Variants in KAZN observed in about 807,000 individuals in gnomAD.
The protein encoded by KAZN is kazrin.
Under a neutral mutation model 87.4 loss-of-function variants are expected in KAZN, and 40 were observed. That is an observed-to-expected ratio of 0.46 (90% CI 0.36 to 0.60). The LOEUF (loss-of-function observed/expected upper bound fraction) is 0.60. Among genes scored for constraint, KAZN ranks in the 20% least tolerant of loss-of-function variants. The pLI, the probability that KAZN is intolerant of heterozygous loss-of-function variation, is 0.00. For missense variants in KAZN, 898 were observed against 1,073.9 expected (o/e 0.84, Z 2.29); for synonymous variants, 466 against 458.3 (o/e 1.02, Z -0.22).
At chr1:14,171,646 A>G (rs1280237119) in intron 1 of KAZN, among the ~76,000 whole-genome samples, 2 of 152,242 alleles carry the variant, frequency 1.3e-5, no homozygotes, top group Non-Finnish European at 2.9e-5. Context: ...AAATTTGGTC[A>G]TTAGTTCATA....
At chr1:14,065,830 A>G (rs1345823447) in intron 1 of KAZN, among the ~76,000 whole-genome samples, 2 of 152,198 alleles carry the variant, frequency 1.3e-5, no homozygotes, top group African/African-American at 4.8e-5. Context: ...TATTGAATAT[A>G]TATATAGGGT....
chr1:15,106,287 A>G (rs898532308), intron 13 of KAZN, among the ~76,000 whole-genome samples: 9 of 152,118 alleles, frequency 5.9e-5, no homozygotes, highest in Non-Finnish European at 1.5e-5. Context: ...TCTCTACAAA[A>G]CAGAAAAACA....
chr1:14,379,270 ACT>A (rs1307674147), intron 2 of KAZN, among the ~76,000 whole-genome samples: 2 of 151,702 alleles, frequency 1.3e-5, no homozygotes, highest in Non-Finnish European at 2.9e-5. Context: ...CTTGGGTGAG[ACT>A]CTGAGGCTTG....
chr1:14,304,391 TTAGA>T (rs1169916046), intron 2 of KAZN, among the ~76,000 whole-genome samples: 1 of 152,168 alleles, frequency 6.6e-6, no homozygotes, highest in African/African-American at 2.4e-5. Flanking sequence ...TTACCCCAGC[TTAGA>T]CCAAAATATT....
chr1:14,576,728 CTT>C (rs1675211222), intron 2 of KAZN, among the ~76,000 whole-genome samples: 1 of 152,044 alleles, frequency 6.6e-6, no homozygotes, highest in African/African-American at 2.4e-5. Context: ...TAAATAGGAA[CTT>C]TATGTTAATC....
chr1:14,594,770 C>A (rs76457713), upstream of KAZN, among the ~76,000 whole-genome samples: 1 of 152,158 alleles, frequency 6.6e-6, no homozygotes, highest in Non-Finnish European at 1.5e-5. Flanking sequence ...CCCAGGACAC[C>A]GGCGGTAAAC....
chr1:14,331,140 G>A lies in KAZN; in HGVS notation c.249+150548G>A, dbSNP rs1434780906. On this transcript the variant is annotated intron_variant, in intron 2 of 16. Transcript: ENST00000636203. ...TTTTAAATGGAATAGGAAAGTCCTG[G>A]TGGCCCCTTTTACCTCTGCTGTGGA... Among the ~76,000 whole-genome samples the A allele has an allele frequency of 3.3e-5, 5 of 152,142 alleles. 1 individual carries two copies. The highest frequency in any genetic ancestry group is 9.7e-5 in the African/African-American group (4 of 41,424).
chr1:14,587,601 T>G, intron 2 of KAZN, among the ~76,000 whole-genome samples: 2 of 146,218 alleles, frequency 1.4e-5, no homozygotes, highest in South Asian at 2.2e-4. Flanking sequence ...GGAGTGAGAG[T>G]GGGGGGCGGG....
intron 1 of KAZN, among the ~76,000 whole-genome samples, chr1:14,158,176 C>G (rs1034426559): frequency 2.6e-5 from 4 of 152,170 alleles, no homozygotes; most frequent in African/African-American, 9.6e-5. Context: ...GTTATTATCC[C>G]TTTAAATAAA....
intron 2 of KAZN, among the ~76,000 whole-genome samples, chr1:14,551,858 A>G (rs751698829): frequency 2.0e-5 from 3 of 152,162 alleles, no homozygotes; most frequent in Non-Finnish European, 4.4e-5. Context: ...ATTAATGGCT[A>G]CCTAGAATCC....
At chr1:15,083,812 G>T (rs1213900960) in intron 8 of KAZN, among the ~76,000 whole-genome samples, 1 of 152,260 alleles carries the variant, frequency 6.6e-6, no homozygotes, top group East Asian at 1.9e-4. Context: ...ACACCATCCT[G>T]CCTCTTGCCA....
At chr1:14,842,946 G>T (rs781227354) in intron 1 of KAZN, among the ~76,000 whole-genome samples, 12 of 151,996 alleles carry the variant, frequency 7.9e-5, no homozygotes, top group Non-Finnish European at 1.2e-4. Context: ...TGATGTGATT[G>T]GTATATTGCT....
At position 15,103,553 on chromosome 1, in the gene KAZN, T is replaced by A. The variant is rs1187477069; in HGVS notation, c.1881+93T>A. 5 of 828,696 alleles carry A rather than the reference T, an allele frequency of 6.0e-6. No individual in the cohort carries two copies. The East Asian group carries it at 8.1e-5, about 13-fold the overall frequency. The allele number at this position is 828,696 out of a possible 1,614,324, so 51.3% of individuals were successfully genotyped here. On this transcript the variant is annotated intron_variant, in intron 12 of 14. Transcript: ENST00000376030. ...AATCAATATGCAAATCACATGCAAA[T>A]CAATATGCAGATCTCATGCAAATCA... is the stretch of plus-strand genomic sequence containing the variant.
intron 2 of KAZN, among the ~76,000 whole-genome samples, chr1:14,412,939 C>T (rs1664422572): frequency 6.8e-6 from 1 of 147,704 alleles, no homozygotes; most frequent in African/African-American, 2.5e-5. Context: ...AGATTTAATC[C>T]TATATATAAT....
intron 1 of KAZN, among the ~76,000 whole-genome samples, chr1:14,698,693 C>A (rs544714169): frequency 6.6e-6 from 1 of 152,360 alleles, no homozygotes; most frequent in Non-Finnish European, 1.5e-5. Context: ...ACCTCTGCTG[C>A]TAAAACACCG....
In KAZN at chr1:14,141,251, A is replaced by C. The variant is rs1295506650; in HGVS notation, c.92-39184A>C. Among the ~76,000 whole-genome samples the C allele has an allele frequency of 2.7e-3, 408 of 151,288 alleles. 3 individuals carry two copies. Among genetic ancestry groups the C allele is most frequent in the African/African-American group, 8.8e-3 (364 of 41,142 alleles). ...GATTACCATTTAAAAAAAAAAAAAAAAACAAAACTAAAAATAGCTGCTTGG... is the reference window on the plus strand; with the variant it reads ...GATTACCATTTAAAAAAAAAAAAAACAACAAAACTAAAAATAGCTGCTTGG... On this transcript the variant is annotated intron_variant, in intron 1 of 16. Coordinates refer to the KAZN transcript ENST00000636203.
chr1:15,009,512 A>G (rs1275055973), intron 2 of KAZN, among the ~76,000 whole-genome samples: 1 of 152,192 alleles, frequency 6.6e-6, no homozygotes, highest in Non-Finnish European at 1.5e-5. Flanking sequence ...CACAGCTGCA[A>G]TGAGCCCAGT....
intron 2 of KAZN, among the ~76,000 whole-genome samples, chr1:14,267,053 A>G (rs1373332545): frequency 8.7e-6 from 1 of 115,356 alleles, no homozygotes; most frequent in East Asian, 2.7e-4. Context: ...CCACCCCACA[A>G]CAGTCCCCGC....
chr1:14,413,357 G>A (rs1038665405), intron 2 of KAZN, among the ~76,000 whole-genome samples: 3 of 151,948 alleles, frequency 2.0e-5, no homozygotes, highest in East Asian at 1.9e-4. Flanking sequence ...TTGAGAGGCT[G>A]AGGCGGGCGG....
Sources: gnomAD v4.1 joint callset for allele counts (sites outside exome capture counted in the v4.1 genomes callset) on GRCh38, gnomAD v4.1.1 for gene constraint, MANE v1.5 for transcripts, NCBI Gene and HGNC (gene_info 2026-07-23, HGNC 2026-07-21) for gene names.